The following CACNB4 variants were observed in gnomAD, a reference collection of about 807,000 sequenced individuals.
CACNB4 encodes the protein calcium voltage-gated channel auxiliary subunit beta 4.
Under a neutral mutation model 71.2 loss-of-function variants are expected in CACNB4, and 32 were observed. The observed-to-expected ratio is 0.45, with a 90% CI of 0.34 to 0.60. The LOEUF is 0.60. Among genes scored for constraint, CACNB4 ranks in the 20% least tolerant of loss-of-function variants. CACNB4 has a pLI of 0.01. For synonymous variants in CACNB4, 231 were observed against 236.9 expected (o/e 0.97, Z 0.23); for missense variants, 464 against 647.9 (o/e 0.72, Z 3.08).
At chr2:152,064,766 T>G (rs1292134060) in intron 2 of CACNB4, among the ~76,000 whole-genome samples, 3 of 152,212 alleles carry the variant, frequency 2.0e-5, no homozygotes, top group African/African-American at 7.2e-5. Context: ...TTTTCATAAT[T>G]ATCACCTAAG....
At chr2:151,969,173 G>C (rs886176896) in intron 2 of CACNB4, 1 of 152,186 alleles carries the variant, frequency 6.6e-6, no homozygotes, top group Non-Finnish European at 1.5e-5. Context: ...TGTGGTCAGA[G>C]ATGCCAACAT....
At chr2:152,045,953 G>A (rs150327579) in intron 2 of CACNB4, among the ~76,000 whole-genome samples, 1 of 152,290 alleles carries the variant, frequency 6.6e-6, no homozygotes, top group East Asian at 1.9e-4. Context: ...TAGAATGTAG[G>A]CAGATTGGAA....
At chr2:152,006,715 AT>A (rs1355629213) in intron 2 of CACNB4, among the ~76,000 whole-genome samples, 1 of 152,094 alleles carries the variant, frequency 6.6e-6, no homozygotes, top group Non-Finnish European at 1.5e-5. Flanking sequence ...TTACTCTGGG[AT>A]TGAAAGCCTT....
At chr2:152,008,580 A>G (rs1249753634) in intron 2 of CACNB4, among the ~76,000 whole-genome samples, 3 of 152,026 alleles carry the variant, frequency 2.0e-5, no homozygotes, top group African/African-American at 7.2e-5. Flanking sequence ...GATTACAAGC[A>G]TGAGCCACCA....
Position 151,837,559 on chromosome 2 carries a change from T to A in CACNB4, c.*1560A>T, listed in dbSNP as rs2099835147. 6.6e-6 allele frequency: 1 copy of A among 152,076 alleles called. No homozygotes were observed. The highest frequency in any genetic ancestry group is 2.1e-4 in the South Asian group (1 of 4,830). 9.4% of individuals were successfully genotyped at this position (152,076 alleles called of 1,614,324 possible). ...ACATGTACTAGCAGAAAAGAACTTT[T>A]ATGGCTGGACTTATTGGGGTTTTAG... On this transcript the variant is annotated 3_prime_UTR_variant, in exon 14 of 14. Transcript: ENST00000539935.
rs535707420 is a variant in CACNB4 at position 152,057,275 on chromosome 2, T to G, written c.147+41055A>C. 2.6e-5 allele frequency among the ~76,000 whole-genome samples: 4 copies of G among 152,088 alleles called. No individual in the cohort carries two copies. In the South Asian group the frequency reaches 8.3e-4, roughly 32 times the overall value. On this transcript the variant is annotated intron_variant, in intron 2 of 13. Coordinates refer to ENST00000539935, the MANE Select transcript of CACNB4 (RefSeq NM_000726.5). ...CTGAGAAGCAGATCCTTCCCACAAA[T>G]CCTCAGATGAGACCCCAGGTCTAGC...
intron 2 of CACNB4, chr2:151,973,412 T>C (rs2099873146): frequency 2.0e-6 from 1 of 501,704 alleles, no homozygotes; most frequent in African/African-American, 1.9e-5. Flanking sequence ...CCCGGTAATG[T>C]ATAAATTCAA....
At chr2:151,899,532 CTTAA>C (rs1359979277) in intron 2 of CACNB4, among the ~76,000 whole-genome samples, 1 of 152,204 alleles carries the variant, frequency 6.6e-6, no homozygotes, top group Non-Finnish European at 1.5e-5. Flanking sequence ...AGAAACTATG[CTTAA>C]TTGTTTAGTT....
At chr2:151,882,352 C>T (rs758248191) in intron 3 of CACNB4, among the ~76,000 whole-genome samples, 5 of 151,892 alleles carry the variant, frequency 3.3e-5, no homozygotes, top group Non-Finnish European at 7.4e-5. Context: ...CCATGCACAG[C>T]CTCTCACCTC....
chr2:151,993,799 G>C (rs982787651), intron 2 of CACNB4, among the ~76,000 whole-genome samples: 3 of 151,448 alleles, frequency 2.0e-5, no homozygotes, highest in Admixed American at 2.0e-4. Context: ...TCCTGACCTT[G>C]TGATCCGCCC....
At chr2:151,944,846 A>G (rs1364585816) in intron 2 of CACNB4, among the ~76,000 whole-genome samples, 2 of 152,210 alleles carry the variant, frequency 1.3e-5, no homozygotes, top group Non-Finnish European at 2.9e-5. Context: ...CTTCTTGGAA[A>G]GAAGAGGAGG....
At chr2:151,890,715 T>C (rs1489147199) in intron 2 of CACNB4, among the ~76,000 whole-genome samples, 2 of 152,246 alleles carry the variant, frequency 1.3e-5, no homozygotes, top group East Asian at 3.8e-4. Context: ...TTTACAATGA[T>C]AGACGTATTT....
At chr2:151,968,366 C>T (rs983510754) in intron 2 of CACNB4, 1 of 152,192 alleles carries the variant, frequency 6.6e-6, no homozygotes, top group African/African-American at 2.4e-5. Flanking sequence ...ATCTGTAGCG[C>T]TTCCTTGGTA....
intron 2 of CACNB4, among the ~76,000 whole-genome samples, chr2:151,895,874 G>A (rs1482191598): frequency 2.1e-5 from 3 of 140,778 alleles, no homozygotes; most frequent in South Asian, 2.2e-4. Context: ...ATGGAGTTTC[G>A]CTCTTGTCAT....
chr2:151,863,217 C>T (rs930872521), intron 9 of CACNB4, among the ~76,000 whole-genome samples: 1 of 152,142 alleles, frequency 6.6e-6, no homozygotes, highest in Non-Finnish European at 1.5e-5. Flanking sequence ...AAGCATGTGC[C>T]ACCACACATG....
chr2:152,088,592 C>T (rs1437930524), intron 2 of CACNB4, among the ~76,000 whole-genome samples: 1 of 152,208 alleles, frequency 6.6e-6, no homozygotes, highest in Admixed American at 6.5e-5. Context: ...GAGAAAGATA[C>T]ATCCATCAAC....
At chr2:152,051,209 T>G (rs1406531654) in intron 2 of CACNB4, among the ~76,000 whole-genome samples, 2 of 152,150 alleles carry the variant, frequency 1.3e-5, no homozygotes, top group Non-Finnish European at 2.9e-5. Context: ...CCCCCATCCC[T>G]ACCCAGCGGC....
intron 2 of CACNB4, chr2:151,974,041 C>T (rs1449199059): frequency 9.8e-7 from 1 of 1,023,256 alleles, no homozygotes; most frequent in Non-Finnish European, 1.2e-6. Context: ...AAGAGCGTTC[C>T]CTCGGAGAGT....
chr2:151,880,698 C>G, intron 4 of CACNB4, 102 bp downstream of exon 4: 1 of 1,246,524 alleles, frequency 8.0e-7, no homozygotes, highest in Non-Finnish European at 1.1e-6. Flanking sequence ...ATGTACTGCA[C>G]TGGCAGCTCC....
Sources: gnomAD v4.1 joint callset for allele counts (sites outside exome capture counted in the v4.1 genomes callset) on GRCh38, gnomAD v4.1.1 for gene constraint, MANE v1.5 for transcripts, NCBI Gene and HGNC (gene_info 2026-07-23, HGNC 2026-07-21) for gene names.